The following CCDC170 variants were observed in gnomAD, a reference collection of about 807,000 sequenced individuals.
The protein encoded by CCDC170 is coiled-coil domain containing 170.
A neutral mutation model predicts 72.6 loss-of-function variants in CCDC170; 69 were observed. The ratio of observed to expected loss-of-function variants is 0.95; its 90% CI spans 0.78 to 1.16. The LOEUF (loss-of-function observed/expected upper bound fraction) is 1.16. CCDC170 is among the 50% of genes most tolerant of loss of function. CCDC170 has a pLI of 0.00. For missense variants in CCDC170, 852 were observed against 832.5 expected (o/e 1.02, Z -0.29); for synonymous variants, 300 against 303.9 (o/e 0.99, Z 0.13).
intron 9 of CCDC170, among the ~76,000 whole-genome samples, chr6:151,606,551 A>G (rs1776787402): frequency 1.3e-5 from 2 of 152,226 alleles, no homozygotes; most frequent in Non-Finnish European, 2.9e-5. Flanking sequence ...ATGGTTTATC[A>G]TGGAGAATAT....
chr6:151,608,406 T>G (rs1776817994), intron 9 of CCDC170, among the ~76,000 whole-genome samples: 3 of 152,228 alleles, frequency 2.0e-5, no homozygotes, highest in South Asian at 2.1e-4. Context: ...TACATTTGTA[T>G]CTGTACATCT....
At chr6:151,568,876 A>G (rs142922492) in intron 5 of CCDC170, among the ~76,000 whole-genome samples, 4 of 152,352 alleles carry the variant, frequency 2.6e-5, no homozygotes, top group African/African-American at 9.6e-5. Context: ...TTGCTATATT[A>G]TAATTGGATA....
chr6:151,599,465 G>A (rs926947122), intron 9 of CCDC170, among the ~76,000 whole-genome samples: 4 of 152,174 alleles, frequency 2.6e-5, no homozygotes, highest in African/African-American at 9.7e-5. Context: ...TAGGTGAATA[G>A]GAGGTCTGGT....
intron 9 of CCDC170, among the ~76,000 whole-genome samples, chr6:151,596,950 C>T (rs1434494538): frequency 1.3e-5 from 2 of 152,168 alleles, no homozygotes; most frequent in South Asian, 2.1e-4. Flanking sequence ...CCTCAGCCTC[C>T]TGAGTAGCCA....
intron 5 of CCDC170, 149 bp from the exon 6 acceptor site, chr6:151,573,025 T>C: frequency 1.5e-6 from 1 of 675,026 alleles, no homozygotes; most frequent in Non-Finnish European, 2.5e-6. Flanking sequence ...GAGGAGACTA[T>C]AGGGAACTTG....
intron 1 of CCDC170, among the ~76,000 whole-genome samples, chr6:151,495,537 C>T (rs562470480): frequency 2.0e-5 from 3 of 152,120 alleles, no homozygotes; most frequent in Admixed American, 2.0e-4. Flanking sequence ...CACCTTGTTA[C>T]CCAGGCTCGA....
chr6:151,607,699 C>A (rs1416224883), intron 9 of CCDC170, among the ~76,000 whole-genome samples: 1 of 151,932 alleles, frequency 6.6e-6, no homozygotes, highest in Non-Finnish European at 1.5e-5. Context: ...CTTGAGAAAT[C>A]CACTGTTAAT....
In CCDC170 at chr6:151,538,261, G is replaced by A. The variant is rs757612104; in HGVS notation, c.403G>A (p.Glu135Lys). Residue 135 changes from glutamate to lysine, a missense_variant, in exon 3 of 11, where the codon GAA becomes AAA. Coordinates refer to ENST00000239374, the MANE Select transcript of CCDC170 (RefSeq NM_025059.4). ...TCACGCTGCAATCAAGGAGAACCAG[G>A]AATTAAAGAAGAAAGTTGTAGAGTT... is the stretch of plus-strand genomic sequence containing the variant. ...TAHAAIKENQELKKKVVELNE... is the reference protein window; with the variant it reads ...TAHAAIKENQKLKKKVVELNE... 5.0e-6 allele frequency: 8 copies of A among 1,613,576 alleles called. No individual in the cohort carries two copies. The highest frequency in any genetic ancestry group is 1.3e-5 in the African/African-American group (1 of 74,892).
At chr6:151,564,731 G>A (rs935511057) in intron 5 of CCDC170, among the ~76,000 whole-genome samples, 1 of 152,168 alleles carries the variant, frequency 6.6e-6, no homozygotes, top group Non-Finnish European at 1.5e-5. Context: ...AGGTGCTAAT[G>A]ATGGTGGATG....
chr6:151,595,476 G>A (rs533648173), intron 8 of CCDC170, among the ~76,000 whole-genome samples: 1 of 152,048 alleles, frequency 6.6e-6, no homozygotes, highest in Admixed American at 6.6e-5. Context: ...AAGCTTTAAA[G>A]CAAAGCTTAC....
chr6:151,502,997 G>A (rs571219524), intron 1 of CCDC170, among the ~76,000 whole-genome samples: 9 of 152,066 alleles, frequency 5.9e-5, no homozygotes, highest in East Asian at 1.9e-4. Context: ...GTGAAACCCC[G>A]TCTCTACTAA....
chr6:151,579,150 T>C (rs761851277), intron 6 of CCDC170, among the ~76,000 whole-genome samples: 4 of 151,980 alleles, frequency 2.6e-5, no homozygotes, highest in Non-Finnish European at 5.9e-5. Flanking sequence ...TTTTGTCCCA[T>C]AGAATATCAG....
In CCDC170 at chr6:151,517,844, C is replaced by G. The variant is rs17081348; in HGVS notation, c.58-18474C>G. 9.2e-3 allele frequency among the ~76,000 whole-genome samples: 1,400 copies of G among 152,218 alleles called. 26 individuals are homozygous for G. Among genetic ancestry groups the G allele is most frequent in the African/African-American group, 0.032 (1,316 of 41,524 alleles). On this transcript the variant is annotated intron_variant, in intron 1 of 10. Transcript: ENST00000239374. ...CTACCTCTAGGAAGTGTACAATACT[C>G]ACAGCACATATATAATACTCCTGTG...
intron 7 of CCDC170, among the ~76,000 whole-genome samples, chr6:151,587,326 G>A (rs939858152): frequency 6.6e-6 from 1 of 152,214 alleles, no homozygotes; most frequent in Middle Eastern, 3.4e-3. Flanking sequence ...TTGAGAGGAA[G>A]GGGAGCGACC....
chr6:151,610,896 T>A (rs1403585694), intron 9 of CCDC170, among the ~76,000 whole-genome samples: 1 of 152,232 alleles, frequency 6.6e-6, no homozygotes, highest in African/African-American at 2.4e-5. Flanking sequence ...TTCTTGATTG[T>A]AAATTTCATA....
chr6:151,498,006 C>T (rs187469793), intron 1 of CCDC170, among the ~76,000 whole-genome samples: 161 of 149,182 alleles, frequency 1.1e-3, no homozygotes, highest in African/African-American at 3.5e-3. Flanking sequence ...AATAGGATCA[C>T]CAGTCAGCAA....
In CCDC170 at chr6:151,548,506, A is replaced by G; in HGVS notation, c.774+17A>G. On this transcript the variant is annotated intron_variant, in intron 5 of 10. Coordinates refer to ENST00000239374, the MANE Select transcript of CCDC170 (RefSeq NM_025059.4). ...CTGAACCAGGTATGATATGTGAAGT[A>G]TACGTGTGCATCTGGGACCATGTTG... 2.0e-6 allele frequency: 3 copies of G among 1,512,708 alleles called. No individual in the cohort carries two copies. The highest frequency in any genetic ancestry group is 1.4e-5 in the African/African-American group (1 of 72,040). 93.7% of individuals were successfully genotyped at this position (1,512,708 alleles called of 1,614,324 possible). A position where few individuals can be genotyped will look rare whatever the true frequency, so the allele number is the denominator to read the frequency against.
At chr6:151,588,953 A>AAACG (rs946659743) in intron 7 of CCDC170, among the ~76,000 whole-genome samples, 4 of 151,956 alleles carry the variant, frequency 2.6e-5, no homozygotes, top group African/African-American at 9.6e-5. Flanking sequence ...ACAAACAAAC[A>AAACG]AACAAAAAAC....
intron 9 of CCDC170, among the ~76,000 whole-genome samples, chr6:151,603,243 C>T (rs1220487948): frequency 4.6e-5 from 7 of 152,012 alleles, no homozygotes; most frequent in Non-Finnish European, 7.4e-5. Context: ...TTGAGTTTGG[C>T]ATGTTTAAAG....
Sources: gnomAD v4.1 joint callset for allele counts (sites outside exome capture counted in the v4.1 genomes callset) on GRCh38, gnomAD v4.1.1 for gene constraint, MANE v1.5 for transcripts, NCBI Gene and HGNC (gene_info 2026-07-23, HGNC 2026-07-21) for gene names.